Variants in CYTH3 observed in about 807,000 individuals in gnomAD.
The protein encoded by CYTH3 is cytohesin 3.
CYTH3 carries 23 observed loss-of-function variants against 55.1 expected under a neutral mutation model. The ratio of observed to expected loss-of-function variants is 0.42; its 90% CI spans 0.30 to 0.59. The LOEUF is 0.59. Ranked by LOEUF, CYTH3 falls within the 20% of genes least tolerant of loss-of-function variation. CYTH3 has a pLI of 0.20. For missense variants in CYTH3, 413 were observed against 524.8 expected (o/e 0.79, Z 2.08); for synonymous variants, 249 against 194.9 (o/e 1.28, Z -2.31).
intron 5 of CYTH3, among the ~76,000 whole-genome samples, chr7:6,177,218 ATTT>A (rs1428259424): frequency 6.6e-6 from 1 of 152,078 alleles, no homozygotes; most frequent in Non-Finnish European, 1.5e-5. Context: ...TCGATCAAAT[ATTT>A]TTTTTAAAAA....
rs1782884755 is a variant in CYTH3, at chr7:6,163,063, A to G, written c.*1881T>C. 6.5e-6 allele frequency: 1 copy of G among 152,712 alleles called. No homozygotes were observed. The highest frequency in any genetic ancestry group is 2.4e-5 in the African/African-American group (1 of 41,470). The allele number at this position is 152,712 out of a possible 1,614,324, so 9.5% of individuals were successfully genotyped here. A position where few individuals can be genotyped will look rare whatever the true frequency, so the allele number is the denominator to read the frequency against. Reference sequence around the variant, plus strand: ...ACGCTGACTTGCCTTTCTCAGAACTAAAACTTCCGATTTGAGGTATCAGTA... The same window carrying G: ...ACGCTGACTTGCCTTTCTCAGAACTGAAACTTCCGATTTGAGGTATCAGTA... On this transcript the variant is annotated 3_prime_UTR_variant, in exon 13 of 13. Transcript: ENST00000350796.
intron 5 of CYTH3, among the ~76,000 whole-genome samples, chr7:6,175,695 C>T (rs1783334580): frequency 6.6e-6 from 1 of 151,856 alleles, no homozygotes; most frequent in South Asian, 2.1e-4. Flanking sequence ...TTATAGACAC[C>T]TGCCATCATG....
rs184289756 is a variant in CYTH3, at chr7:6,268,368, C to G, written c.34+4106G>C. 3.3e-5 allele frequency among the ~76,000 whole-genome samples: 5 copies of G among 152,188 alleles called. No individual in the cohort carries two copies. In the East Asian group the frequency reaches 9.6e-4, roughly 29 times the overall value. On this transcript the variant is annotated intron_variant, in intron 1 of 12. Coordinates refer to ENST00000350796, the MANE Select transcript of CYTH3 (RefSeq NM_004227.4). ...TTTTTTTAGTAGAAACGGAGTTTCA[C>G]CATGCTGCCCAGGCTGGTCTTGAAT...
intron 1 of CYTH3, among the ~76,000 whole-genome samples, chr7:6,207,645 T>C (rs1386318916): frequency 2.7e-5 from 4 of 150,934 alleles, no homozygotes; most frequent in African/African-American, 9.8e-5. Flanking sequence ...CGAGACTCCA[T>C]CTCAAAAAAC....
At chr7:6,194,513 G>T (rs913617096) in intron 1 of CYTH3, among the ~76,000 whole-genome samples, 5 of 152,158 alleles carry the variant, frequency 3.3e-5, no homozygotes, top group Non-Finnish European at 7.3e-5. Flanking sequence ...AATCTCACCA[G>T]ACTGTGACCT....
rs1783194046 is a variant in CYTH3, at chr7:6,171,523, C to G, written c.450-209G>C. ...ACTCGAGACACGCTTACTGATGGCT[C>G]ATCTTTTTGTAACTACAACCAATTC... On this transcript the variant is annotated intron_variant, in intron 6 of 12. Coordinates refer to ENST00000350796, the MANE Select transcript of CYTH3 (RefSeq NM_004227.4). The surrounding 1 kb of genome is among the most constrained non-coding windows in gnomAD (Gnocchi z 6.7). Among the ~76,000 whole-genome samples the G allele has an allele frequency of 6.6e-6, 1 of 152,276 alleles. No homozygotes were observed. The highest frequency in any genetic ancestry group is 6.5e-5 in the Admixed American group (1 of 15,294).
rs1583722545 is a variant in CYTH3 at position 6,164,674 on chromosome 7, C to T, written c.*270G>A. On this transcript the variant is annotated 3_prime_UTR_variant, in exon 13 of 13. Coordinates refer to ENST00000350796, the MANE Select transcript of CYTH3 (RefSeq NM_004227.4). ...AATGCTTCTGGACATGCGCAGCCGA[C>T]CATGACCCCAGCCACGGCAGGAGGC... is the stretch of plus-strand genomic sequence containing the variant. 7.6e-6 allele frequency: 4 copies of T among 523,486 alleles called. No individual in the cohort carries two copies. In the East Asian group the frequency reaches 1.0e-4, roughly 13 times the overall value. 32.4% of individuals were successfully genotyped at this position (523,486 alleles called of 1,614,324 possible). A position where few individuals can be genotyped will look rare whatever the true frequency, so the allele number is the denominator to read the frequency against.
intron 1 of CYTH3, among the ~76,000 whole-genome samples, chr7:6,248,210 A>G (rs1779870578): frequency 6.7e-6 from 1 of 150,126 alleles, no homozygotes; most frequent in Non-Finnish European, 1.5e-5. Context: ...TCTGAACAAT[A>G]GTATTTAGAC....
In CYTH3 at chr7:6,237,652, T is replaced by C. The variant is rs185935161; in HGVS notation, c.34+34822A>G. Among the ~76,000 whole-genome samples the C allele has an allele frequency of 9.9e-5, 15 of 152,198 alleles. No homozygotes were observed. In the East Asian group the frequency reaches 2.7e-3, roughly 27 times the overall value. Reference sequence around the variant, plus strand: ...GAACCCGGGGGGCAGAAGGTTGCAGTGAGCCCAGATCGCGCCACTGCACTC... The same window carrying C: ...GAACCCGGGGGGCAGAAGGTTGCAGCGAGCCCAGATCGCGCCACTGCACTC... On this transcript the variant is annotated intron_variant, in intron 1 of 12. Transcript: ENST00000350796.
rs999621187 is a variant in CYTH3 at position 6,201,156 on chromosome 7, C to A, written c.35-10625G>T. On this transcript the variant is annotated intron_variant, in intron 1 of 12. Transcript: ENST00000350796. The stretch of plus-strand genomic sequence containing the variant: ...GCTCTGAGCTGCCAGGGGCTGCGCT[C>A]TGCCTCTCCTCACCACTCGACAGTC... Among the ~76,000 whole-genome samples, 6 of 152,328 alleles carry A rather than the reference C, an allele frequency of 3.9e-5. No individual in the cohort carries two copies. In the South Asian group the frequency reaches 6.2e-4, roughly 16 times the overall value.
intron 1 of CYTH3, among the ~76,000 whole-genome samples, chr7:6,231,518 G>C (rs559886592): frequency 6.6e-6 from 1 of 152,156 alleles, no homozygotes; most frequent in Non-Finnish European, 1.5e-5. Context: ...ACTGCTTTAC[G>C]TGCCAGGAAC....
chr7:6,223,422 A>T (rs556070775), intron 1 of CYTH3, among the ~76,000 whole-genome samples: 1 of 152,316 alleles, frequency 6.6e-6, no homozygotes, highest in East Asian at 1.9e-4. Flanking sequence ...AGAAAGAGAG[A>T]TCAGATTGTT....
chr7:6,182,565 G>A lies in CYTH3; in HGVS notation c.249+4485C>T, dbSNP rs1052977211. On this transcript the variant is annotated intron_variant, in intron 4 of 12. Transcript: ENST00000350796. Reference sequence around the variant, plus strand: ...ACTGTCACCCAGGCTAGAATGCAGTGGTGCAATCACATTTCATTGTAGCCT... The same window carrying A: ...ACTGTCACCCAGGCTAGAATGCAGTAGTGCAATCACATTTCATTGTAGCCT... 2.6e-5 allele frequency among the ~76,000 whole-genome samples: 4 copies of A among 152,248 alleles called. No homozygotes were observed. The East Asian group carries it at 7.7e-4, about 29-fold the overall frequency.
intron 1 of CYTH3, among the ~76,000 whole-genome samples, chr7:6,191,555 G>A (rs553340122): frequency 2.8e-4 from 42 of 151,038 alleles, no homozygotes; most frequent in African/African-American, 1.0e-3. Context: ...AGTAAATACA[G>A]GAGAATTTTT....
intron 1 of CYTH3, among the ~76,000 whole-genome samples, chr7:6,257,459 A>T (rs1014836192): frequency 3.9e-5 from 6 of 152,246 alleles, no homozygotes; most frequent in Non-Finnish European, 8.8e-5. Context: ...TAAATTGCCA[A>T]TGCCACCTTT....
chr7:6,233,710 G>A (rs982417704), intron 1 of CYTH3, among the ~76,000 whole-genome samples: 5 of 151,420 alleles, frequency 3.3e-5, no homozygotes, highest in African/African-American at 9.7e-5. Flanking sequence ...CAGTCCCAGC[G>A]TCTACCCTGT....
intron 1 of CYTH3, among the ~76,000 whole-genome samples, chr7:6,219,327 C>T (rs562230069): frequency 9.1e-4 from 138 of 152,234 alleles, no homozygotes; most frequent in Admixed American, 3.2e-3. Context: ...TTTCTTCTTG[C>T]GCTTATAGTA....
chr7:6,179,054 C>T (rs1374686743), intron 4 of CYTH3, among the ~76,000 whole-genome samples: 1 of 152,218 alleles, frequency 6.6e-6, no homozygotes, highest in African/African-American at 2.4e-5. Context: ...CTGCCTCATA[C>T]CCTCACGGTC....
rs555480535 is a variant in CYTH3, at chr7:6,177,890, C to T, written c.301G>A (p.Val101Ile). 11 of 1,614,178 alleles carry T rather than the reference C, an allele frequency of 6.8e-6. No homozygotes were observed. Among genetic ancestry groups the T allele is most frequent in the South Asian group, 2.2e-5 (2 of 91,074 alleles). ...TCTCCTTTATAAAGGAACTGGGCGA[C>T]GTCTTCTGGGGAACTCTGTAGCAGG... ...NDLLQSSPED[V>I]AQFLYKGEGL... Residue 101 changes from valine to isoleucine, a missense_variant, in exon 5 of 13, where the codon GTC (valine) becomes ATC (isoleucine). Coordinates refer to ENST00000350796, the MANE Select transcript of CYTH3 (RefSeq NM_004227.4).
Sources: allele counts gnomAD v4.1 joint callset (sites outside exome capture counted in the v4.1 genomes callset), GRCh38; gene constraint gnomAD v4.1.1; non-coding constraint Gnocchi (gnomAD v3.1); transcripts MANE v1.5; gene names NCBI Gene and HGNC (gene_info 2026-07-23, HGNC 2026-07-21).